The following DIAPH2 variants were observed in gnomAD, a reference collection of about 807,000 sequenced individuals.
DIAPH2 encodes diaphanous related formin 2.
In DIAPH2, 35 loss-of-function variants were observed where a neutral mutation model predicts 92.7. The ratio of observed to expected loss-of-function variants is 0.38; its 90% CI spans 0.29 to 0.50. DIAPH2 has a LOEUF of 0.50. Among genes scored for constraint, DIAPH2 ranks in the 20% least tolerant of loss-of-function variants. DIAPH2 has a pLI of 0.94. For synonymous variants in DIAPH2, 301 were observed against 280.4 expected, an observed-to-expected ratio of 1.07 and a Z score of -0.73; for missense variants, 701 against 819.5, an observed-to-expected ratio of 0.86 and a Z score of 1.77.
At chrX:96,972,082 C>T (rs906791138) in intron 17 of DIAPH2, among the ~76,000 whole-genome samples, 3 of 111,480 alleles carry the variant, frequency 2.7e-5, no homozygotes, top group African/African-American at 9.8e-5. Context: ...CTTTTTCCCC[C>T]GGTTTGCTGT....
chrX:97,007,761 C>CTTTTTTTTTT (rs1202951643), intron 17 of DIAPH2, among the ~76,000 whole-genome samples: 9 of 80,994 alleles, frequency 1.1e-4, no homozygotes, highest in Non-Finnish European at 1.4e-4. Flanking sequence ...TTCTTTTTTT[C>CTTTTTTTTTT]TTTTTTTTTT....
intron 19 of DIAPH2, among the ~76,000 whole-genome samples, chrX:97,095,337 C>T (rs917854734): frequency 5.0e-4 from 53 of 106,185 alleles, no homozygotes; most frequent in Admixed American, 4.4e-3. Context: ...AGGATGGTCT[C>T]GATCTCCTGA....
chrX:96,691,453 G>A (rs2063797760), intron 1 of DIAPH2, among the ~76,000 whole-genome samples: 1 of 112,197 alleles, frequency 8.9e-6, no homozygotes, highest in Admixed American at 9.5e-5. Flanking sequence ...TATTTATTGT[G>A]AATGTCAGTA....
intron 19 of DIAPH2, among the ~76,000 whole-genome samples, chrX:97,079,979 G>A (rs1383534490): frequency 9.0e-6 from 1 of 111,399 alleles, no homozygotes; most frequent in Non-Finnish European, 1.9e-5. Flanking sequence ...CCAGACACCT[G>A]TATTCCTTAA....
At chrX:96,996,066 A>G (rs1357117221) in intron 17 of DIAPH2, among the ~76,000 whole-genome samples, 1 of 111,886 alleles carries the variant, frequency 8.9e-6, no homozygotes, top group Non-Finnish European at 1.9e-5. Context: ...TCACCTAGAG[A>G]TAAAATACAG....
intron 26 of DIAPH2, among the ~76,000 whole-genome samples, chrX:97,461,799 C>T (rs1252278233): frequency 1.8e-5 from 2 of 111,385 alleles, no homozygotes; most frequent in African/African-American, 3.3e-5. Flanking sequence ...CTAGGCTTTT[C>T]TGTATATAGC....
intron 23 of DIAPH2, among the ~76,000 whole-genome samples, chrX:97,321,625 C>T (rs774257071): frequency 1.0e-5 from 1 of 97,049 alleles, no homozygotes; most frequent in South Asian, 5.7e-4. Context: ...TCTCCGCTCA[C>T]TGCAAACTCC....
chrX:97,409,798 A>G (rs7051019), intron 25 of DIAPH2, among the ~76,000 whole-genome samples: 48,550 of 111,549 alleles, frequency 0.44, 8,521 homozygotes, highest in Non-Finnish European at 0.56. Context: ...TTGACCTGCA[A>G]GGCAGCAGCC....
chrX:97,509,046 T>A (rs949703566), intron 26 of DIAPH2, among the ~76,000 whole-genome samples: 5 of 104,503 alleles, frequency 4.8e-5, no homozygotes, highest in Non-Finnish European at 7.8e-5. Context: ...TTTATTTATT[T>A]ATTTATTTAT....
intron 5 of DIAPH2, among the ~76,000 whole-genome samples, chrX:96,905,731 C>G (rs1218845205): frequency 8.9e-6 from 1 of 111,970 alleles, no homozygotes; most frequent in Non-Finnish European, 1.9e-5. Flanking sequence ...TAAAAATTCT[C>G]TCCCCCTCAC....
Position 96,918,573 on chromosome X carries a change from C to T in DIAPH2, c.934C>T (p.Pro312Ser), listed in dbSNP as rs753823210. The T allele has an allele frequency of 8.3e-7, 1 of 1,206,502 alleles. No individual in the cohort carries two copies. Among genetic ancestry groups the T allele is most frequent in the Non-Finnish European group, 1.1e-6 (1 of 892,967 alleles). ...AAGAAATAACAGGGAACGATTTTCA[C>T]CAATTGTGGAAGGTTTAGAAAATCA... ...AERNNRERFS[P>S]IVEGLENQEA... The change falls in exon 9 of 27, where the codon CCA (proline) becomes TCA (serine). Residue 312 changes from proline to serine, a missense_variant. By Grantham distance (74) the Pro-to-Ser change is moderately conservative. Transcript: ENST00000324765.
At chrX:97,423,193 C>G (rs2353564) in intron 25 of DIAPH2, among the ~76,000 whole-genome samples, 45,998 of 109,696 alleles carry the variant, frequency 0.42, 6,949 homozygotes, top group East Asian at 0.57. Context: ...GGAGATATAA[C>G]CTGTCTGCAA....
chrX:97,392,063 T>C (rs1459724915), intron 25 of DIAPH2, among the ~76,000 whole-genome samples: 1 of 112,146 alleles, frequency 8.9e-6, no homozygotes, highest in Non-Finnish European at 1.9e-5. Context: ...AGGCATTTTA[T>C]AAACATTAAG....
intron 26 of DIAPH2, among the ~76,000 whole-genome samples, chrX:97,468,841 A>G (rs1409861719): frequency 3.6e-5 from 4 of 111,555 alleles, no homozygotes; most frequent in Non-Finnish European, 7.5e-5. Flanking sequence ...CTGACAGAAA[A>G]CACAGTTGGC....
intron 26 of DIAPH2, among the ~76,000 whole-genome samples, chrX:97,593,477 G>T (rs1417418352): frequency 1.8e-5 from 2 of 108,333 alleles, no homozygotes; most frequent in African/African-American, 6.7e-5. Context: ...ATAGTTACAT[G>T]TAAAAAAAAA....
In DIAPH2 at chrX:97,597,371, G is replaced by T. The variant is rs183575404; in HGVS notation, c.3242-1882G>T. Among the ~76,000 whole-genome samples the T allele has an allele frequency of 4.5e-3, 508 of 112,379 alleles. 3 individuals carry two copies. Among genetic ancestry groups the T allele is most frequent in the African/African-American group, 0.016 (488 of 30,942 alleles). On this transcript the variant is annotated intron_variant, in intron 26 of 26. Coordinates refer to ENST00000324765, the MANE Select transcript of DIAPH2 (RefSeq NM_006729.5). ...TTCTCACACCAGATGACACCAGTAA[G>T]TTGCAGGTTGATGTGAAGCCTTACA...
At chrX:97,381,613 T>C (rs2069550729) in intron 24 of DIAPH2, among the ~76,000 whole-genome samples, 1 of 111,684 alleles carries the variant, frequency 9.0e-6, no homozygotes, top group Non-Finnish European at 1.9e-5. Flanking sequence ...CAACTCTATT[T>C]GGAAGGCATC....
chrX:97,291,273 C>T (rs1391243897), intron 23 of DIAPH2, among the ~76,000 whole-genome samples: 1 of 110,606 alleles, frequency 9.0e-6, no homozygotes, highest in Non-Finnish European at 1.9e-5. Flanking sequence ...GCCCATAATC[C>T]CAGCTACTTG....
At chrX:97,414,764 A>G (rs1452004936) in intron 25 of DIAPH2, among the ~76,000 whole-genome samples, 1 of 111,740 alleles carries the variant, frequency 8.9e-6, no homozygotes, top group Non-Finnish European at 1.9e-5. Flanking sequence ...TAAAAACCCT[A>G]GAAGAAAACC....
Sources: gnomAD v4.1 joint callset for allele counts (sites outside exome capture counted in the v4.1 genomes callset) on GRCh38, gnomAD v4.1.1 for gene constraint, MANE v1.5 for transcripts, NCBI Gene and HGNC (gene_info 2026-07-23, HGNC 2026-07-21) for gene names.